CSMD1: variants seen among roughly 807,000 people sequenced by gnomAD.
CSMD1 encodes the protein CUB and Sushi multiple domains 1.
CSMD1 carries 213 observed loss-of-function variants against 417.5 expected under a neutral mutation model. The ratio of observed to expected loss-of-function variants is 0.51; its 90% CI spans 0.46 to 0.57. CSMD1 has a LOEUF of 0.57. Among genes scored for constraint, CSMD1 ranks in the 20% least tolerant of loss-of-function variants. CSMD1 has a pLI of 0.00. For synonymous variants in CSMD1, 2,862 were observed against 1,736.8 expected (o/e 1.65, Z -16.11); for missense variants, 6,923 against 4,529.7 (o/e 1.53, Z -15.17).
chr8:4,035,847 G>C (rs1797588057), intron 3 of CSMD1, among the ~76,000 whole-genome samples: 1 of 152,098 alleles, frequency 6.6e-6, no homozygotes, highest in Non-Finnish European at 1.5e-5. Context: ...CAGTGTTTAT[G>C]AAGTCTACAG....
intron 29 of CSMD1, 64 bp from the exon 30 acceptor site, chr8:3,214,755 T>C: frequency 7.4e-7 from 1 of 1,352,752 alleles, no homozygotes; most frequent in Non-Finnish European, 1.0e-6. Flanking sequence ...GTGTTTTTGT[T>C]TGTTGGGTTG....
At chr8:4,916,045 G>T (rs555027573) in intron 1 of CSMD1, among the ~76,000 whole-genome samples, 1 of 152,272 alleles carries the variant, frequency 6.6e-6, no homozygotes, top group African/African-American at 2.4e-5. Flanking sequence ...CACTAGATTT[G>T]CCCTGGAAAG....
chr8:4,196,598 C>T (rs1370357105), intron 3 of CSMD1, among the ~76,000 whole-genome samples: 1 of 152,128 alleles, frequency 6.6e-6, no homozygotes, highest in East Asian at 1.9e-4. Flanking sequence ...GGGTCATAGC[C>T]TTCTTTGTGA....
rs1807256700 is a variant in CSMD1, at chr8:3,000,004, T to C, written c.8157A>G (p.Ile2719Met). 6.2e-7 allele frequency: 1 copy of C among 1,608,946 alleles called. No homozygotes were observed. Among genetic ancestry groups the C allele is most frequent in the Non-Finnish European group, 8.5e-7 (1 of 1,179,048 alleles). ...CAGACCACTTGTGGTCTTGCAGGCA[T>C]ATCCTCACGGAAGTTCCCACAAGCC... ...GFRLVGTSVR[I>M]CLQDHKWSGQ... is the part of the protein sequence containing the mutation. The change falls in exon 53 of 70, where the codon ATA (isoleucine) becomes ATG (methionine). Residue 2719 changes from isoleucine to methionine, a missense_variant. Ile to Met is a conservative substitution (Grantham distance 10, BLOSUM62 1). Transcript: ENST00000635120.
intron 3 of CSMD1, among the ~76,000 whole-genome samples, chr8:4,231,314 G>C (rs1301070770): frequency 6.6e-6 from 1 of 152,184 alleles, no homozygotes; most frequent in East Asian, 1.9e-4. Flanking sequence ...TCAGAGTCAT[G>C]GGTCCAACCT....
At chr8:4,335,666 T>C (rs1213537518) in intron 3 of CSMD1, among the ~76,000 whole-genome samples, 1 of 152,102 alleles carries the variant, frequency 6.6e-6, no homozygotes, top group Non-Finnish European at 1.5e-5. Context: ...GCTGGGAGCA[T>C]GAAGTATATT....
At chr8:3,697,871 A>G (rs953541596) in intron 7 of CSMD1, among the ~76,000 whole-genome samples, 1 of 152,274 alleles carries the variant, frequency 6.6e-6, no homozygotes, top group Middle Eastern at 3.4e-3. Context: ...AGGTAAAAGA[A>G]TGTGCTCTCT....
At chr8:3,854,406 G>A (rs960632998) in intron 5 of CSMD1, among the ~76,000 whole-genome samples, 1 of 151,934 alleles carries the variant, frequency 6.6e-6, no homozygotes, top group Non-Finnish European at 1.5e-5. Flanking sequence ...TATTTTCAGT[G>A]ACTTTTTAAT....
intron 37 of CSMD1, among the ~76,000 whole-genome samples, chr8:3,166,206 A>G (rs1351275738): frequency 1.3e-5 from 2 of 152,164 alleles, no homozygotes; most frequent in Admixed American, 1.3e-4. Flanking sequence ...AAGAATTTTA[A>G]AAAGAATTAT....
chr8:3,708,481 C>A lies in CSMD1; in HGVS notation c.942G>T (p.Ala314=), dbSNP rs779138993. ...TGACTCCTCTTGACTTCAACTCAAT[C>A]GCCTTTTTCACTGGAAGAAACAAAA... ...GFNAQFQVKK[A]IELKSRGVKM... The change falls in exon 7 of 70, where the codon GCG becomes GCT. Residue 314 remains alanine (A), a synonymous_variant. Transcript: ENST00000635120. 2.0e-5 allele frequency: 32 copies of A among 1,613,764 alleles called. No individual in the cohort carries two copies. Among genetic ancestry groups the A allele is most frequent in the Non-Finnish European group, 2.5e-5 (29 of 1,179,858 alleles).
At chr8:3,244,351 T>C (rs1381918939) in intron 26 of CSMD1, among the ~76,000 whole-genome samples, 1 of 152,176 alleles carries the variant, frequency 6.6e-6, no homozygotes. Context: ...GGAGGTCCTC[T>C]TAGTTATGCA....
intron 1 of CSMD1, among the ~76,000 whole-genome samples, chr8:4,643,199 A>T (rs1353414350): frequency 6.6e-6 from 1 of 152,230 alleles, no homozygotes; most frequent in African/African-American, 2.4e-5. Context: ...AGATCACCAC[A>T]CTGGCTCCTT....
At chr8:3,752,121 A>C (rs549944304) in intron 6 of CSMD1, among the ~76,000 whole-genome samples, 47 of 152,150 alleles carry the variant, frequency 3.1e-4, no homozygotes, top group African/African-American at 1.0e-3. Context: ...CGTCCATCCC[A>C]CCTTTACTCC....
intron 5 of CSMD1, among the ~76,000 whole-genome samples, chr8:3,821,173 C>A (rs1411590938): frequency 1.3e-5 from 2 of 152,178 alleles, no homozygotes; most frequent in South Asian, 2.1e-4. Context: ...CCGCCTCGGC[C>A]TCCCAAACTG....
intron 3 of CSMD1, among the ~76,000 whole-genome samples, chr8:4,414,835 G>C (rs967078803): frequency 1.3e-5 from 2 of 152,116 alleles, no homozygotes; most frequent in African/African-American, 4.8e-5. Context: ...TTGCCCTCAA[G>C]GGTACAAAGA....
At chr8:4,237,254 T>G (rs1317591559) in intron 3 of CSMD1, among the ~76,000 whole-genome samples, 1 of 152,212 alleles carries the variant, frequency 6.6e-6, no homozygotes, top group Non-Finnish European at 1.5e-5. Context: ...CCTTTGGTCC[T>G]GAAGAGATTC....
chr8:3,384,892 A>T (rs1235751356), intron 18 of CSMD1, among the ~76,000 whole-genome samples: 2 of 121,926 alleles, frequency 1.6e-5, no homozygotes, highest in Admixed American at 9.5e-5. Context: ...CAAATATATA[A>T]TATATATTAT....
intron 5 of CSMD1, among the ~76,000 whole-genome samples, chr8:3,859,194 G>A (rs577902962): frequency 2.6e-4 from 40 of 152,264 alleles, no homozygotes; most frequent in Non-Finnish European, 3.5e-4. Flanking sequence ...AAATATGTGC[G>A]TAGCAGAGGA....
intron 26 of CSMD1, among the ~76,000 whole-genome samples, chr8:3,260,688 A>G (rs1186369834): frequency 6.6e-6 from 1 of 152,108 alleles, no homozygotes; most frequent in Non-Finnish European, 1.5e-5. Flanking sequence ...GTGGTTCTTG[A>G]GTATTACACA....
Sources: allele counts gnomAD v4.1 joint callset (sites outside exome capture counted in the v4.1 genomes callset), GRCh38; gene constraint gnomAD v4.1.1; transcripts MANE v1.5; gene names NCBI Gene and HGNC (gene_info 2026-07-23, HGNC 2026-07-21).